SFMBT1: variants seen among roughly 807,000 people sequenced by gnomAD.
SFMBT1 encodes the protein Scm like with four mbt domains 1.
Under a neutral mutation model 108.7 loss-of-function variants are expected in SFMBT1, and 32 were observed. The observed-to-expected ratio is 0.29, with a 90% CI of 0.22 to 0.40. The LOEUF (loss-of-function observed/expected upper bound fraction) is 0.40. SFMBT1 is among the 10% of genes least tolerant of loss of function. SFMBT1 has a pLI of 1.00. For synonymous variants in SFMBT1, 348 were observed against 369.5 expected, an observed-to-expected ratio of 0.94 and a Z score of 0.67; for missense variants, 816 against 1,059.6, an observed-to-expected ratio of 0.77 and a Z score of 3.19.
chr3:52,905,421 T>C (rs1055290346), intron 20 of SFMBT1, 145 bp from the exon 21 acceptor site: 4 of 711,996 alleles, frequency 5.6e-6, no homozygotes, highest in Non-Finnish European at 8.9e-6. Flanking sequence ...TATCACACAC[T>C]TCCTTTTAAG....
chr3:53,013,121 G>A (rs1354728491), intron 1 of SFMBT1, among the ~76,000 whole-genome samples: 1 of 151,718 alleles, frequency 6.6e-6, no homozygotes, highest in African/African-American at 2.4e-5. Flanking sequence ...GGAGCTACTG[G>A]ATTTGATTAT....
intron 6 of SFMBT1, among the ~76,000 whole-genome samples, 200 bp downstream of exon 6, chr3:52,931,862 A>C (rs1020837367): frequency 2.0e-5 from 3 of 152,120 alleles, no homozygotes; most frequent in African/African-American, 7.2e-5. Flanking sequence ...AAAACAAAAC[A>C]AAAACCAAAA....
Position 52,916,512 on chromosome 3 carries a change from A to G in SFMBT1, c.1416-298T>C, listed in dbSNP as rs576752032. Among the ~76,000 whole-genome samples, 66 of 152,102 alleles carry G rather than the reference A, an allele frequency of 4.3e-4. 1 individual carries two copies. In the South Asian group the frequency reaches 0.014, roughly 31 times the overall value. ...GTGAAACCCCGTCTCTACTAAAAATACAAAAAATTAGCTGGGCATGGTGGC... is the reference window on the plus strand; with the variant it reads ...GTGAAACCCCGTCTCTACTAAAAATGCAAAAAATTAGCTGGGCATGGTGGC... On this transcript the variant is annotated intron_variant, in intron 13 of 20. Coordinates refer to ENST00000394752, the MANE Select transcript of SFMBT1 (RefSeq NM_016329.4).
intron 8 of SFMBT1, 36 bp from the exon 9 acceptor site, chr3:52,928,377 C>T (rs745722459): frequency 6.2e-7 from 1 of 1,604,146 alleles, no homozygotes; most frequent in South Asian, 1.1e-5. Flanking sequence ...TAGACAAATG[C>T]ACACATATAT....
intron 3 of SFMBT1, 95 bp from the exon 4 acceptor site, chr3:52,943,688 C>CT: frequency 6.7e-7 from 1 of 1,485,702 alleles, no homozygotes; most frequent in African/African-American, 1.4e-5. Context: ...TTCCGAAGCA[C>CT]TAAATGCAAT....
rs371292514 is a variant in SFMBT1 at position 52,939,091 on chromosome 3, CTTG to C, written c.365-4193_365-4191del. ...CATTGTTAATAACTCTGATGAAAAT[CTTG>C]TTTTCTTTCCTCTATAAGAAACTTG... On this transcript the variant is annotated intron_variant, in intron 4 of 20. Coordinates refer to ENST00000394752, the MANE Select transcript of SFMBT1 (RefSeq NM_016329.4). Among the ~76,000 whole-genome samples, 53 of 152,252 alleles carry C rather than the reference CTTG, an allele frequency of 3.5e-4. 2 individuals are homozygous for C. In the East Asian group the frequency reaches 0.01, roughly 29 times the overall value.
At chr3:53,010,589 C>T (rs1251598859) in intron 1 of SFMBT1, among the ~76,000 whole-genome samples, 2 of 152,070 alleles carry the variant, frequency 1.3e-5, no homozygotes, top group Non-Finnish European at 1.5e-5. Flanking sequence ...AATTGTGGAG[C>T]CATGTTTCAA....
At position 53,046,000 on chromosome 3, in the gene SFMBT1, C is replaced by G. The variant is rs1371187341; in HGVS notation, c.-315G>C. 1 of 151,450 alleles carries G rather than the reference C, an allele frequency of 6.6e-6. No homozygotes were observed. The highest frequency in any genetic ancestry group is 1.5e-5 in the Non-Finnish European group (1 of 67,882). 9.4% of individuals were successfully genotyped at this position (151,450 alleles called of 1,614,324 possible). The stretch of plus-strand genomic sequence containing the variant: ...TTCGGCGGAGCGGGGCGGCCGGCAG[C>G]TCTCCCCGCCCCCCTCCACCCGCGC... On this transcript the variant is annotated 5_prime_UTR_variant, in exon 1 of 21. Coordinates refer to ENST00000394752, the MANE Select transcript of SFMBT1 (RefSeq NM_016329.4).
rs757069018 is a variant in SFMBT1 at position 52,954,345 on chromosome 3, G to A, written c.95C>T (p.Thr32Ile). Residue 32 changes from threonine (T) to isoleucine (I), a missense_variant, in exon 3 of 21, where the codon ACA becomes ATA. This residue lies in a region of SFMBT1 where 495 missense variants were observed against 607.4 expected (regional missense o/e 0.81). Transcript: ENST00000394752. ...TTTAAAAGACCCATAGGGAACTGCT[G>A]TGGACCCTGTTTCTTCTAGATAATC... ...WEDYLEETGS[T>I]AVPYGSFKHV... 1 of 1,613,820 alleles carries A rather than the reference G, an allele frequency of 6.2e-7. No individual in the cohort carries two copies. The highest frequency in any genetic ancestry group is 8.5e-7 in the Non-Finnish European group (1 of 1,179,850).
chr3:52,928,996 C>T (rs1359794057), intron 8 of SFMBT1, among the ~76,000 whole-genome samples: 2 of 152,000 alleles, frequency 1.3e-5, no homozygotes, highest in African/African-American at 4.8e-5. Flanking sequence ...TGAGCCACCA[C>T]ACCTGGCCCA....
chr3:53,005,084 T>A (rs191798981), intron 1 of SFMBT1, among the ~76,000 whole-genome samples: 1 of 152,218 alleles, frequency 6.6e-6, no homozygotes. Context: ...CTGGTCTGAA[T>A]GTAGTCAGGT....
At chr3:52,986,546 A>G (rs1431405403) in intron 1 of SFMBT1, among the ~76,000 whole-genome samples, 1 of 151,878 alleles carries the variant, frequency 6.6e-6, no homozygotes, top group Non-Finnish European at 1.5e-5. Context: ...TGGGCAGGTG[A>G]CCTGAGATCA....
chr3:52,906,831 T>C (rs541691130), intron 19 of SFMBT1, among the ~76,000 whole-genome samples: 4 of 152,302 alleles, frequency 2.6e-5, no homozygotes, highest in South Asian at 2.1e-4. Context: ...TTTTTTGTTG[T>C]TGTTGTTAAA....
chr3:52,913,392 TC>T, intron 15 of SFMBT1, 85 bp downstream of exon 15: 2 of 1,499,326 alleles, frequency 1.3e-6, no homozygotes, highest in Non-Finnish European at 1.8e-6. Context: ...AACTGTCACA[TC>T]TATGGCATGT....
At chr3:52,988,357 C>T (rs1459786565) in intron 1 of SFMBT1, among the ~76,000 whole-genome samples, 1 of 152,090 alleles carries the variant, frequency 6.6e-6, no homozygotes, top group East Asian at 1.9e-4. Context: ...ATATTGAGAA[C>T]TTTTGGATAG....
At position 52,928,901 on chromosome 3, in the gene SFMBT1, C is replaced by T. The variant is rs188087945; in HGVS notation, c.898-560G>A. ...TTTAATTTTTGTAGAGACTCGGTCT[C>T]CATATATTGCCCAGGCTTGTCTCAA... On this transcript the variant is annotated intron_variant, in intron 8 of 20. Transcript: ENST00000394752. Among the ~76,000 whole-genome samples, 236 of 151,574 alleles carry T rather than the reference C, an allele frequency of 1.6e-3. 2 individuals are homozygous for T. The highest frequency in any genetic ancestry group is 5.5e-3 in the African/African-American group (226 of 41,276).
intron 1 of SFMBT1, among the ~76,000 whole-genome samples, chr3:53,029,025 T>C (rs1437650161): frequency 1.3e-5 from 2 of 151,702 alleles, no homozygotes; most frequent in Non-Finnish European, 2.9e-5. Context: ...ACAAAAAAAT[T>C]AGCCAGGCAT....
chr3:53,007,133 T>C (rs1470417925), intron 1 of SFMBT1, among the ~76,000 whole-genome samples: 2 of 152,240 alleles, frequency 1.3e-5, no homozygotes, highest in Non-Finnish European at 1.5e-5. Context: ...TCAATGATAC[T>C]AAAATGCTTT....
intron 1 of SFMBT1, among the ~76,000 whole-genome samples, chr3:52,998,136 T>C (rs1284011603): frequency 2.0e-5 from 3 of 149,996 alleles, no homozygotes; most frequent in Non-Finnish European, 4.5e-5. Context: ...GTAGATCAGG[T>C]CGGGCACGGT....
Sources: allele counts gnomAD v4.1 joint callset (sites outside exome capture counted in the v4.1 genomes callset), GRCh38; gene constraint gnomAD v4.1.1; regional missense constraint gnomAD v4.1.1; transcripts MANE v1.5; gene names NCBI Gene and HGNC (gene_info 2026-07-23, HGNC 2026-07-21).